Variants in PTPRM observed in about 807,000 individuals in gnomAD.
PTPRM encodes the protein receptor-type tyrosine-protein phosphatase mu.
Under a neutral mutation model 186.7 loss-of-function variants are expected in PTPRM, and 47 were observed. That is an observed-to-expected ratio of 0.25 (90% CI 0.20 to 0.32). PTPRM has a LOEUF of 0.32. PTPRM is among the 10% of genes least tolerant of loss of function. The pLI is 1.00. For missense variants in PTPRM, 1,494 were observed against 1,865.0 expected (o/e 0.80, Z 3.66); for synonymous variants, 668 against 674.9 (o/e 0.99, Z 0.16).
chr18:7,993,273 A>C (rs2083358599), intron 7 of PTPRM, among the ~76,000 whole-genome samples: 1 of 152,076 alleles, frequency 6.6e-6, no homozygotes, highest in African/African-American at 2.4e-5. Context: ...TGAATGCCAG[A>C]GGAGAAGAGA....
Position 7,668,395 on chromosome 18 carries a change from G to A in PTPRM, c.73+100504G>A, listed in dbSNP as rs2039145024. On this transcript the variant is annotated intron_variant, in intron 1 of 32. Transcript: ENST00000580170. This position sits in a 1 kb window ranked among gnomAD's most constrained non-coding sequence, Gnocchi z 4.7. ...TCTTTGTCTTGTTTGTTATTATGTA[G>A]CTCTCAGCTGCAACGGTATTTAACA... 6.6e-6 allele frequency among the ~76,000 whole-genome samples: 1 copy of A among 152,178 alleles called. No individual in the cohort carries two copies. Among genetic ancestry groups the A allele is most frequent in the African/African-American group, 2.4e-5 (1 of 41,446 alleles).
At chr18:7,797,665 A>G (rs1288742312) in intron 2 of PTPRM, among the ~76,000 whole-genome samples, 3 of 151,864 alleles carry the variant, frequency 2.0e-5, no homozygotes, top group South Asian at 2.1e-4. Flanking sequence ...TGGCCTTCAA[A>G]TGTGGGAAAG....
At chr18:8,249,613 C>T (rs2094508913) in intron 17 of PTPRM, among the ~76,000 whole-genome samples, 1 of 152,082 alleles carries the variant, frequency 6.6e-6, no homozygotes. Flanking sequence ...GATTTTCTGA[C>T]CTTGGGGGAG....
rs768326285 is a variant in PTPRM, at chr18:8,253,342, G to C, written c.2682G>C (p.Arg894=). ...CTGGGCAGCTCCACCCCGCCATCCG[G>C]GTGGCAGACCTCCTTCAGCACATCA... ...YQTGQLHPAI[R]VADLLQHITQ... Residue 894 remains arginine (R), a synonymous_variant, in exon 19 of 33, where the codon CGG becomes CGC. Coordinates refer to ENST00000580170, the MANE Select transcript of PTPRM (RefSeq NM_001105244.2). 1.3e-6 allele frequency: 2 copies of C among 1,597,996 alleles called. No homozygotes were observed. Among genetic ancestry groups the C allele is most frequent in the Non-Finnish European group, 1.7e-6 (2 of 1,172,462 alleles).
At chr18:7,884,849 A>C (rs1355314535) in intron 2 of PTPRM, among the ~76,000 whole-genome samples, 5 of 135,008 alleles carry the variant, frequency 3.7e-5, no homozygotes, top group Non-Finnish European at 7.7e-5. Flanking sequence ...GCTTGAACCC[A>C]GGAGGCAGAG....
At chr18:7,863,218 T>A (rs2047485083) in intron 2 of PTPRM, among the ~76,000 whole-genome samples, 2 of 152,168 alleles carry the variant, frequency 1.3e-5, no homozygotes, top group Non-Finnish European at 1.5e-5. Flanking sequence ...ATTTTTTCAT[T>A]ATACTTTAAG....
chr18:7,573,003 T>C (rs561065439), intron 1 of PTPRM, among the ~76,000 whole-genome samples: 3 of 152,286 alleles, frequency 2.0e-5, no homozygotes, highest in Admixed American at 1.3e-4. Context: ...GAAAAATAAG[T>C]TGGGCTGCCT....
chr18:8,130,292 A>C (rs1384949748), intron 13 of PTPRM, among the ~76,000 whole-genome samples: 2 of 152,106 alleles, frequency 1.3e-5, no homozygotes, highest in Non-Finnish European at 2.9e-5. Flanking sequence ...CCATGGTGGA[A>C]CTGTTGAGTG....
At chr18:7,984,119 T>C (rs1315157497) in intron 7 of PTPRM, among the ~76,000 whole-genome samples, 1 of 152,194 alleles carries the variant, frequency 6.6e-6, no homozygotes, top group East Asian at 1.9e-4. Context: ...CCTCATGCTA[T>C]GAAGCACCTG....
At chr18:8,097,998 G>A (rs1266063444) in intron 11 of PTPRM, among the ~76,000 whole-genome samples, 1 of 152,176 alleles carries the variant, frequency 6.6e-6, no homozygotes, top group East Asian at 1.9e-4. Flanking sequence ...TAGGTTTACA[G>A]ATACTCCCCA....
At chr18:8,344,137 C>T (rs2095490674) in intron 23 of PTPRM, among the ~76,000 whole-genome samples, 1 of 152,110 alleles carries the variant, frequency 6.6e-6, no homozygotes. Flanking sequence ...TTAAAATGAG[C>T]AAACACACAG....
intron 2 of PTPRM, among the ~76,000 whole-genome samples, chr18:7,834,992 C>CTTTTTTTTTTTTTTT (rs57839485): frequency 1.2e-5 from 1 of 85,268 alleles, no homozygotes; most frequent in African/African-American, 4.5e-5. Context: ...TTATTTGGAT[C>CTTTTTTTTTTTTTTT]TTTTTTTTTT....
intron 7 of PTPRM, among the ~76,000 whole-genome samples, chr18:8,039,652 A>AT (rs547699833): frequency 1.3e-5 from 2 of 152,104 alleles, no homozygotes; most frequent in Non-Finnish European, 2.9e-5. Flanking sequence ...CTCATACATC[A>AT]TTTTTTTGTA....
chr18:8,099,567 TGTC>T (rs1242398906), intron 11 of PTPRM, among the ~76,000 whole-genome samples: 160 of 152,314 alleles, frequency 1.1e-3, no homozygotes, highest in African/African-American at 3.8e-3. Flanking sequence ...CAGGCCAATG[TGTC>T]TTCCGGATGG....
At chr18:7,892,692 G>C (rs930634029) in intron 3 of PTPRM, among the ~76,000 whole-genome samples, 5 of 152,212 alleles carry the variant, frequency 3.3e-5, no homozygotes, top group African/African-American at 7.2e-5. Flanking sequence ...CCACAGGACT[G>C]TACGGCTTAA....
intron 1 of PTPRM, among the ~76,000 whole-genome samples, chr18:7,582,331 G>T (rs1159525100): frequency 6.6e-6 from 1 of 152,126 alleles, no homozygotes; most frequent in Non-Finnish European, 1.5e-5. Context: ...TCTGTAGGCT[G>T]GTCTAGGATG....
In PTPRM at chr18:8,263,132, G is replaced by A. The variant is rs574630379; in HGVS notation, c.2754+9718G>A. On this transcript the variant is annotated intron_variant, in intron 19 of 32. Coordinates refer to ENST00000580170, the MANE Select transcript of PTPRM (RefSeq NM_001105244.2). ...AGGATAGACTTTTTTTTTTCAAGGT[G>A]GAGTCTCACTCTGCTGCCCAGGTTG... Among the ~76,000 whole-genome samples, 18 of 151,672 alleles carry A rather than the reference G, an allele frequency of 1.2e-4. No homozygotes were observed. The South Asian group carries it at 3.5e-3, about 30-fold the overall frequency.
intron 15 of PTPRM, among the ~76,000 whole-genome samples, chr18:8,247,543 A>G (rs1393172152): frequency 6.6e-6 from 1 of 152,206 alleles, no homozygotes; most frequent in African/African-American, 2.4e-5. Flanking sequence ...CTATAAGCAA[A>G]GGGCAGAAGT....
intron 14 of PTPRM, among the ~76,000 whole-genome samples, chr18:8,212,877 C>T (rs1024880441): frequency 2.6e-5 from 4 of 152,174 alleles, no homozygotes; most frequent in African/African-American, 4.8e-5. Flanking sequence ...TCCCCCTACC[C>T]ACCACCCGTC....
Sources: gnomAD v4.1 joint callset for allele counts (sites outside exome capture counted in the v4.1 genomes callset) on GRCh38, gnomAD v4.1.1 for gene constraint, Gnocchi (gnomAD v3.1) non-coding constraint, MANE v1.5 for transcripts, NCBI Gene and HGNC (gene_info 2026-07-23, HGNC 2026-07-21) for gene names.